DGKZ: variants seen among roughly 807,000 people sequenced by gnomAD.
The protein encoded by DGKZ is diacylglycerol kinase zeta, also known as DAG kinase zeta.
In DGKZ, 45 loss-of-function variants were observed where a neutral mutation model predicts 142.5. The ratio of observed to expected loss-of-function variants is 0.32; its 90% confidence interval spans 0.25 to 0.40. The LOEUF is 0.40. DGKZ is among the 10% of genes least tolerant of loss of function. The pLI is 1.00. For missense variants in DGKZ, 755 were observed against 1,306.5 expected, an observed-to-expected ratio of 0.58 and a Z score of 6.51; for synonymous variants, 442 against 527.0, an observed-to-expected ratio of 0.84 and a Z score of 2.21.
At chr11:46,333,669 T>C (rs1939875461) in intron 1 of DGKZ, among the ~76,000 whole-genome samples, 1 of 152,200 alleles carries the variant, frequency 6.6e-6, no homozygotes. Context: ...AGACTCCTTC[T>C]CTGCCTGAAC....
At chr11:46,363,249 C>T in intron 1 of DGKZ, among the ~76,000 whole-genome samples, 1 of 152,294 alleles carries the variant, frequency 6.6e-6, no homozygotes, top group Middle Eastern at 3.4e-3. Flanking sequence ...ACAGAGGTTT[C>T]TATGGAGACC....
intron 1 of DGKZ, among the ~76,000 whole-genome samples, chr11:46,340,774 A>C (rs992306824): frequency 1.3e-5 from 2 of 152,240 alleles, no homozygotes; most frequent in Non-Finnish European, 2.9e-5. Flanking sequence ...AGGTGATCCC[A>C]GGCTCTGGGT....
At chr11:46,338,562 G>A (rs1940126922) in intron 1 of DGKZ, 1 of 148,520 alleles carries the variant, frequency 6.7e-6, no homozygotes. Flanking sequence ...ACAAGCAGCA[G>A]GCTGGATGTG....
rs915968462 is a variant in DGKZ at position 46,379,887 on chromosome 11, C to T, written c.2745C>T (p.Tyr915=). The change falls in exon 31 of 31, where the codon TAC becomes TAT. Residue 915 remains tyrosine, a synonymous_variant. Coordinates refer to ENST00000527911, the Ensembl canonical transcript of DGKZ. ...CTCAGGACACCGAGCTGGCCGCCTA[C>T]CTGGAGAACCGGCAGCACTACCAGA... The T allele has an allele frequency of 9.9e-6, 16 of 1,610,058 alleles. No individual in the cohort carries two copies. The highest frequency in any genetic ancestry group is 1.3e-5 in the Non-Finnish European group (15 of 1,179,016).
Position 46,341,201 on chromosome 11 carries a change from C to G in DGKZ, c.212+7714C>G, listed in dbSNP as rs533769187. On this transcript the variant is annotated intron_variant, in intron 1 of 30. Transcript: ENST00000343674. ...TTAGGCAAACAAGAAGCCAGTCTCCCTCCCTCCCTCTGCCCAGCCTTCTGA... is the reference window on the plus strand; with the variant it reads ...TTAGGCAAACAAGAAGCCAGTCTCCGTCCCTCCCTCTGCCCAGCCTTCTGA... Among the ~76,000 whole-genome samples the G allele has an allele frequency of 5.3e-5, 8 of 152,310 alleles. 1 individual carries two copies. Among genetic ancestry groups the G allele is most frequent in the Admixed American group, 5.2e-4 (8 of 15,304 alleles).
At chr11:46,335,437 A>G (rs1320711526) in intron 1 of DGKZ, among the ~76,000 whole-genome samples, 2 of 152,100 alleles carry the variant, frequency 1.3e-5, no homozygotes, top group Non-Finnish European at 2.9e-5. Context: ...GCACACACAC[A>G]CACACACACA....
At position 46,347,549 on chromosome 11, in the gene DGKZ, A is replaced by AGC. The variant is rs1564999988; in HGVS notation, c.-104_-103dup. The stretch of plus-strand genomic sequence containing the variant: ...CGCGCGGCGCGGGGCGGGCGGAGCG[A>AGC]GCGCGCGCCATGGAGGTGGCGGGCG... On this transcript the variant is annotated 5_prime_UTR_variant, in exon 1 of 31. Transcript: ENST00000527911. The surrounding 1 kb of genome is among the most constrained non-coding windows in gnomAD (Gnocchi z 6.4). 1.0e-6 allele frequency: 1 copy of AGC among 990,552 alleles called. No homozygotes were observed. The highest frequency in any genetic ancestry group is 1.2e-6 in the Non-Finnish European group (1 of 835,444). 61.4% of individuals were successfully genotyped at this position (990,552 alleles called of 1,614,324 possible).
rs1207575605 is a variant in DGKZ, at chr11:46,367,976, A to G, written c.367-26A>G. 4.3e-6 allele frequency: 7 copies of G among 1,612,796 alleles called. No homozygotes were observed. Among genetic ancestry groups the G allele is most frequent in the Middle Eastern group, 1.7e-4 (1 of 6,060 alleles). On this transcript the variant is annotated intron_variant, in intron 3 of 30. Transcript: ENST00000527911. This position sits in a 1 kb window ranked among gnomAD's most constrained non-coding sequence, Gnocchi z 4.1. ...CCGAGATAGACTTACCTGGTGCCTC[A>G]GGGGCCCTCTCTTCCTGTCCTGCAG...
In DGKZ at chr11:46,374,245, C is replaced by T. The variant is rs772890493; in HGVS notation, c.1405+10C>T. On this transcript the variant is annotated intron_variant, in intron 15 of 30. Coordinates refer to ENST00000527911, the Ensembl canonical transcript of DGKZ. ...TTCCACGAGTCTCGAGGTTGGCAGC[C>T]TCCCACTGAGGCCAGGGCAGGGTGG... The T allele has an allele frequency of 1.5e-5, 25 of 1,613,942 alleles. No homozygotes were observed. In the East Asian group the frequency reaches 4.5e-4, roughly 29 times the overall value.
At position 46,373,191 on chromosome 11, in the gene DGKZ, GTC is replaced by G. The variant is rs773224097; in HGVS notation, c.1326+94_1326+95del. 1.3e-4 allele frequency: 187 copies of G among 1,408,788 alleles called. 1 individual carries two copies. Among genetic ancestry groups the G allele is most frequent in the Non-Finnish European group, 1.7e-4 (186 of 1,063,270 alleles). 87.3% of individuals were successfully genotyped at this position (1,408,788 alleles called of 1,614,324 possible). ...TTGCTGGTTCTGGGACCTCGGGCGTGTCTCTTCATTTCTCCAACTTCCACTTC... is the reference window on the plus strand; with the variant it reads ...TTGCTGGTTCTGGGACCTCGGGCGTGTCTTCATTTCTCCAACTTCCACTTC... On this transcript the variant is annotated intron_variant, in intron 14 of 30. Transcript: ENST00000527911.
Position 46,364,898 on chromosome 11 carries a change from C to T in DGKZ, c.162-2393C>T, listed in dbSNP as rs536743772. 5 of 985,446 alleles carry T rather than the reference C, an allele frequency of 5.1e-6. No homozygotes were observed. The African/African-American group carries it at 7.0e-5, about 14-fold the overall frequency. 61.0% of individuals were successfully genotyped at this position (985,446 alleles called of 1,614,324 possible). ...CTGTGACCTTGACCTCTGTGGCTGC[C>T]AGCGGTTAGGATGCATCCCCCACCA... is the stretch of plus-strand genomic sequence containing the variant. On this transcript the variant is annotated intron_variant, in intron 1 of 30. Coordinates refer to ENST00000527911, the Ensembl canonical transcript of DGKZ.
chr11:46,368,183 A>G, intron 4 of DGKZ, 104 bp downstream of exon 4: 3 of 1,231,296 alleles, frequency 2.4e-6, no homozygotes, highest in Non-Finnish European at 3.5e-6. Flanking sequence ...GCCAGGAGTG[A>G]CCCAGCACTC....
chr11:46,369,236 C>G (rs777432056), intron 4 of DGKZ: 5 of 561,560 alleles, frequency 8.9e-6, no homozygotes, highest in Middle Eastern at 3.3e-4. Context: ...GTGGGGGAGA[C>G]GGACCCAAAG....
Position 46,372,472 on chromosome 11 carries a change from A to G in DGKZ, c.972A>G (p.Arg324=). ...CTTTCCTCTGGTATCTCAATCCCCG[A>G]CAAGTCTTCGACCTGAGCCAGGGAG... The change falls in exon 11 of 31, where the codon CGA becomes CGG. Residue 324 remains arginine (R), a synonymous_variant. Coordinates refer to ENST00000527911, the Ensembl canonical transcript of DGKZ. The surrounding 1 kb of genome is among the most constrained non-coding windows in gnomAD (Gnocchi z 5.9). 2 of 1,613,894 alleles carry G rather than the reference A, an allele frequency of 1.2e-6. No homozygotes were observed. Among genetic ancestry groups the G allele is most frequent in the Non-Finnish European group, 1.7e-6 (2 of 1,179,966 alleles).
In DGKZ at chr11:46,337,547, C is replaced by T. The variant is rs551549251; in HGVS notation, c.212+4060C>T. On this transcript the variant is annotated intron_variant, in intron 1 of 30. Coordinates refer to the DGKZ transcript ENST00000343674. ...CTGACCTCAGGTGATCCATCCACCT[C>T]GGCCTCCCAAAGTTCTGGGATTACA... Among the ~76,000 whole-genome samples, 8 of 152,068 alleles carry T rather than the reference C, an allele frequency of 5.3e-5. No homozygotes were observed. The East Asian group carries it at 9.7e-4, about 18-fold the overall frequency.
intron 1 of DGKZ, among the ~76,000 whole-genome samples, chr11:46,337,061 G>A (rs931907964): frequency 6.6e-6 from 1 of 152,054 alleles, no homozygotes; most frequent in Non-Finnish European, 1.5e-5. Context: ...CTGAGATCTT[G>A]CATCTCCATC....
At chr11:46,343,133 CAAAA>C (rs1025501428), upstream of DGKZ, among the ~76,000 whole-genome samples, 3 of 146,980 alleles carry the variant, frequency 2.0e-5, no homozygotes, top group African/African-American at 7.5e-5. Context: ...CAAAAAAAAA[CAAAA>C]AAAAAGCAAA....
intron 14 of DGKZ, 75 bp from the exon 15 acceptor site, chr11:46,374,078 GGCTC>G (rs1944277153): frequency 2.7e-6 from 4 of 1,494,730 alleles, no homozygotes; most frequent in Non-Finnish European, 3.7e-6. Flanking sequence ...GGGCTGAGCT[GGCTC>G]GGCCACACGA....
chr11:46,375,929 C>A, exon 21 of DGKZ: 1 of 1,605,880 alleles, frequency 6.2e-7, no homozygotes, highest in Non-Finnish European at 8.5e-7. Context: ...TGCACTACGA[C>A]AAGGAGCAGC....
Sources: gnomAD v4.1 joint callset for allele counts (sites outside exome capture counted in the v4.1 genomes callset) on GRCh38, gnomAD v4.1.1 for gene constraint, Gnocchi (gnomAD v3.1) non-coding constraint, MANE v1.5 for transcripts, NCBI Gene and HGNC (gene_info 2026-07-23, HGNC 2026-07-21) for gene names.